Variants in FAT3 observed in about 807,000 individuals in gnomAD.
FAT3 encodes protocadherin Fat 3.
FAT3 carries 95 observed loss-of-function variants against 310.2 expected under a neutral mutation model. That is an observed-to-expected ratio of 0.31 (90% CI 0.26 to 0.36). FAT3 has a LOEUF of 0.36. Among genes scored for constraint, FAT3 ranks in the 10% least tolerant of loss-of-function variants. The pLI is 1.00. For missense variants in FAT3, 5,408 were observed against 5,715.6 expected (o/e 0.95, Z 1.74); for synonymous variants, 2,314 against 2,192.9 (o/e 1.06, Z -1.54).
At chr11:92,546,456 C>G (rs1160950941) in intron 3 of FAT3, among the ~76,000 whole-genome samples, 3 of 152,118 alleles carry the variant, frequency 2.0e-5, no homozygotes, top group Non-Finnish European at 4.4e-5. Context: ...ACATGTAGAA[C>G]AGTACCCAGA....
intron 3 of FAT3, among the ~76,000 whole-genome samples, chr11:92,670,227 C>A (rs1263914299): frequency 6.6e-6 from 1 of 152,180 alleles, no homozygotes; most frequent in Non-Finnish European, 1.5e-5. Flanking sequence ...TCTTGTTTCT[C>A]TTAAGCCAGT....
intron 4 of FAT3, among the ~76,000 whole-genome samples, chr11:92,715,221 C>T (rs967968735): frequency 1.2e-4 from 18 of 148,390 alleles, no homozygotes; most frequent in African/African-American, 3.7e-4. Context: ...CTGGCTAACA[C>T]GGTGAAAGCC....
At chr11:92,880,374 A>T (rs1219883541) in intron 22 of FAT3, among the ~76,000 whole-genome samples, 1 of 149,948 alleles carries the variant, frequency 6.7e-6, no homozygotes, top group Admixed American at 6.7e-5. Context: ...ATAGTAAACC[A>T]CTCCTGTCTG....
intron 13 of FAT3, among the ~76,000 whole-genome samples, chr11:92,829,676 G>A (rs566185953): frequency 6.6e-6 from 1 of 152,334 alleles, no homozygotes; most frequent in Non-Finnish European, 1.5e-5. Flanking sequence ...CAAGGAGACA[G>A]CAAGAGAAGA....
rs898372869 is a variant in FAT3 at position 92,408,822 on chromosome 11, C to T, written c.3292+53418C>T. Among the ~76,000 whole-genome samples the T allele has an allele frequency of 4.6e-5, 7 of 152,120 alleles. No individual in the cohort carries two copies. The Middle Eastern group carries it at 0.01, about 222-fold the overall frequency. ...AACTCCTATGGAAATTACGGCATAG[C>T]GATGCAAAGGAAGGCATTTTTAATG... On this transcript the variant is annotated intron_variant, in intron 2 of 27. Transcript: ENST00000525166.
chr11:92,361,770 T>G (rs138287679), intron 2 of FAT3, among the ~76,000 whole-genome samples: 1 of 152,268 alleles, frequency 6.6e-6, no homozygotes, highest in East Asian at 1.9e-4. Flanking sequence ...TAGCATGACA[T>G]AGCACGTGAC....
chr11:92,289,999 G>T (rs567633877), intron 1 of FAT3, among the ~76,000 whole-genome samples: 1 of 151,992 alleles, frequency 6.6e-6, no homozygotes, highest in Admixed American at 6.5e-5. Flanking sequence ...ACTGAGTTTT[G>T]ACACACTGTC....
intron 2 of FAT3, among the ~76,000 whole-genome samples, chr11:92,420,587 A>T (rs1305897422): frequency 6.6e-6 from 1 of 152,148 alleles, no homozygotes; most frequent in Admixed American, 6.6e-5. Flanking sequence ...CAACTCCTTG[A>T]TGGGGGGGTT....
At chr11:92,321,874 C>G (rs1388588786) in intron 1 of FAT3, among the ~76,000 whole-genome samples, 3 of 152,180 alleles carry the variant, frequency 2.0e-5, no homozygotes, top group Non-Finnish European at 4.4e-5. Flanking sequence ...CTATTTGAGT[C>G]TCTGCTCACT....
intron 1 of FAT3, among the ~76,000 whole-genome samples, chr11:92,293,511 A>ATT (rs1445112895): frequency 5.7e-5 from 4 of 70,278 alleles, no homozygotes; most frequent in African/African-American, 2.4e-4. Context: ...AGAACCTCAG[A>ATT]TTATATATAT....
At chr11:92,585,765 T>C (rs1296464640) in intron 3 of FAT3, among the ~76,000 whole-genome samples, 1 of 152,024 alleles carries the variant, frequency 6.6e-6, no homozygotes, top group East Asian at 1.9e-4. Flanking sequence ...TTCTCTGCTA[T>C]TTCTTTTCTC....
chr11:92,278,671 AATAAAT>A (rs1946343692), intron 1 of FAT3, among the ~76,000 whole-genome samples: 1 of 152,202 alleles, frequency 6.6e-6, no homozygotes, highest in Non-Finnish European at 1.5e-5. Flanking sequence ...AACCTGTCAA[AATAAAT>A]AGAAGAATAA....
At chr11:92,717,878 A>G (rs1944735466) in intron 4 of FAT3, among the ~76,000 whole-genome samples, 1 of 152,146 alleles carries the variant, frequency 6.6e-6, no homozygotes, top group African/African-American at 2.4e-5. Flanking sequence ...CTTTATTATG[A>G]TATTTTTACT....
intron 2 of FAT3, chr11:92,366,966 T>C: frequency 1.9e-6 from 1 of 526,832 alleles, no homozygotes; most frequent in South Asian, 1.4e-5. Flanking sequence ...TTGACTCTGG[T>C]CAGACACCCA....
intron 2 of FAT3, among the ~76,000 whole-genome samples, chr11:92,456,373 G>C (rs1250032197): frequency 6.6e-6 from 1 of 152,128 alleles, no homozygotes; most frequent in African/African-American, 2.4e-5. Context: ...ATGATTCATT[G>C]TCACATGTAT....
chr11:92,485,967 G>A (rs1457796503), intron 2 of FAT3, among the ~76,000 whole-genome samples: 1 of 152,104 alleles, frequency 6.6e-6, no homozygotes, highest in East Asian at 1.9e-4. Flanking sequence ...AAATAGAAAA[G>A]GGTAAAGCCA....
intron 3 of FAT3, among the ~76,000 whole-genome samples, chr11:92,669,131 T>C (rs1244045245): frequency 6.6e-6 from 1 of 152,230 alleles, no homozygotes; most frequent in Non-Finnish European, 1.5e-5. Context: ...TTCATCTTAC[T>C]TGTGGTTTCA....
intron 12 of FAT3, among the ~76,000 whole-genome samples, 182 bp from the exon 13 acceptor site, chr11:92,809,661 A>G (rs541524982): frequency 3.9e-5 from 6 of 152,326 alleles, no homozygotes; most frequent in Admixed American, 1.3e-4. Flanking sequence ...CTAGAATCCC[A>G]TACATTTTTC....
At position 92,844,367 on chromosome 11, in the gene FAT3, A is replaced by G; in HGVS notation, c.11000A>G (p.His3667Arg). The G allele has an allele frequency of 5.6e-6, 9 of 1,613,950 alleles. No individual in the cohort carries two copies. Among genetic ancestry groups the G allele is most frequent in the East Asian group, 2.2e-5 (1 of 44,874 alleles). Reference sequence around the variant, plus strand: ...GAGGACTTCGTGGGGCTGCACATGCATGGGTTCCGGCGCACCCTGCGGAAT... The same window carrying G: ...GAGGACTTCGTGGGGCTGCACATGCGTGGGTTCCGGCGCACCCTGCGGAAT... ...SPEDFVGLHM[H>R]GFRRTLRNAV... The change falls in exon 19 of 28, where the codon CAT becomes CGT. Residue 3667 changes from histidine to arginine, a missense_variant. By Grantham distance (29) the His-to-Arg change is conservative. This residue lies in a region of FAT3 where 4,588 missense variants were observed against 4,809.8 expected (regional missense o/e 0.95). Transcript: ENST00000525166.
Sources: gnomAD v4.1 joint callset for allele counts (sites outside exome capture counted in the v4.1 genomes callset) on GRCh38, gnomAD v4.1.1 for gene constraint, gnomAD v4.1.1 regional missense constraint, MANE v1.5 for transcripts, NCBI Gene and HGNC (gene_info 2026-07-23, HGNC 2026-07-21) for gene names.